The following POFUT3 variants were observed in gnomAD, a reference collection of about 807,000 sequenced individuals.
POFUT3 encodes GDP-fucose protein O-fucosyltransferase 3.
chr8:33,466,425 T>C, the POFUT3 span, among the ~76,000 whole-genome samples: 2 of 147,188 alleles, frequency 1.4e-5, no homozygotes, highest in Non-Finnish European at 3.0e-5. Flanking sequence ...TGAGACACTG[T>C]CTCAAAAAAG....
chr8:33,427,582 A>G, the POFUT3 span, among the ~76,000 whole-genome samples: 5 of 152,100 alleles, frequency 3.3e-5, no homozygotes, highest in Admixed American at 6.6e-5. Context: ...TCCGTCTCAA[A>G]AAAAAGCAAA....
At chr8:33,398,674 T>G in the POFUT3 span, among the ~76,000 whole-genome samples, 8 of 152,080 alleles carry the variant, frequency 5.3e-5, no homozygotes, top group Non-Finnish European at 5.9e-5. Context: ...TGACACAAAT[T>G]TACCTATATA....
the POFUT3 span, among the ~76,000 whole-genome samples, chr8:33,319,652 TAA>T: frequency 1.9e-3 from 115 of 59,760 alleles, 26 homozygotes; most frequent in East Asian, 0.046. Context: ...ATATATTATA[TAA>T]ATATATATAT....
At chr8:33,396,810 G>A in the POFUT3 span, among the ~76,000 whole-genome samples, 6,710 of 152,194 alleles carry the variant, frequency 0.044, 499 homozygotes, top group African/African-American at 0.15. Flanking sequence ...CTCCAGTTAC[G>A]TTGTTTGACT....
chr8:33,330,465 A>G, the POFUT3 span, among the ~76,000 whole-genome samples: 1 of 152,128 alleles, frequency 6.6e-6, no homozygotes, highest in Admixed American at 6.6e-5. Context: ...AACAAACAAA[A>G]AAAATTTCCA....
At chr8:33,441,378 C>CTTT in the POFUT3 span, among the ~76,000 whole-genome samples, 725 of 114,038 alleles carry the variant, frequency 6.4e-3, 21 homozygotes, top group East Asian at 0.048. Context: ...TTTTTCCTGC[C>CTTT]TTTTTTTTTT....
chr8:33,328,616 A>G, the POFUT3 span, among the ~76,000 whole-genome samples: 3 of 152,228 alleles, frequency 2.0e-5, no homozygotes, highest in East Asian at 5.8e-4. Flanking sequence ...TGTATTGTTC[A>G]CCTTCACGCA....
At chr8:33,406,440 ACTT>A in the POFUT3 span, among the ~76,000 whole-genome samples, 1 of 151,892 alleles carries the variant, frequency 6.6e-6, no homozygotes, top group African/African-American at 2.4e-5. Flanking sequence ...TTACTAGTAT[ACTT>A]CTTTTTTATT....
the POFUT3 span, among the ~76,000 whole-genome samples, chr8:33,329,455 G>A: frequency 6.6e-6 from 1 of 152,306 alleles, no homozygotes; most frequent in East Asian, 1.9e-4. Context: ...GCAGGAGCTG[G>A]AAAGCTGGAA....
At chr8:33,332,643 G>T in the POFUT3 span, among the ~76,000 whole-genome samples, 1 of 152,156 alleles carries the variant, frequency 6.6e-6, no homozygotes, top group Admixed American at 6.5e-5. Context: ...TGTTCTCTAA[G>T]CAACAATTTT....
the POFUT3 span, among the ~76,000 whole-genome samples, chr8:33,342,102 C>T: frequency 6.6e-6 from 1 of 152,162 alleles, no homozygotes; most frequent in Non-Finnish European, 1.5e-5. Context: ...ATTGCTTGAA[C>T]CCGGGAGGTG....
At chr8:33,309,447 A>T in the POFUT3 span, among the ~76,000 whole-genome samples, 1 of 150,984 alleles carries the variant, frequency 6.6e-6, no homozygotes, top group East Asian at 2.0e-4. Flanking sequence ...TTGGTTGGAG[A>T]GTTGAAGGAG....
the POFUT3 span, among the ~76,000 whole-genome samples, chr8:33,380,639 C>T: frequency 6.6e-6 from 1 of 151,938 alleles, no homozygotes; most frequent in Admixed American, 6.5e-5. Flanking sequence ...AAGTTTAAAA[C>T]CAGCCTGGGC....
At chr8:33,383,807 TGCC>T in the POFUT3 span, among the ~76,000 whole-genome samples, 53 of 151,748 alleles carry the variant, frequency 3.5e-4, no homozygotes, top group Non-Finnish European at 4.4e-4. Flanking sequence ...AAAAAACAAC[TGCC>T]CCCTCAGACA....
the POFUT3 span, among the ~76,000 whole-genome samples, chr8:33,355,273 G>C: frequency 6.6e-6 from 1 of 152,138 alleles, no homozygotes; most frequent in Non-Finnish European, 1.5e-5. Context: ...TCACTTATAA[G>C]TGCTGACAGA....
At chr8:33,430,565 C>T in the POFUT3 span, among the ~76,000 whole-genome samples, 3 of 152,116 alleles carry the variant, frequency 2.0e-5, no homozygotes, top group African/African-American at 7.2e-5. Context: ...ACACTTATTG[C>T]TCACAGAGAA....
chr8:33,329,524 T>C, the POFUT3 span, among the ~76,000 whole-genome samples: 2 of 152,326 alleles, frequency 1.3e-5, no homozygotes, highest in Middle Eastern at 6.8e-3. Flanking sequence ...CCATAACTAT[T>C]ACCTCTATGA....
the POFUT3 span, among the ~76,000 whole-genome samples, chr8:33,366,502 A>G: frequency 6.6e-6 from 1 of 152,206 alleles, no homozygotes; most frequent in African/African-American, 2.4e-5. Flanking sequence ...CTTCTTTAGA[A>G]TTATAAAAAC....
At chr8:33,436,661 T>G in the POFUT3 span, 2 of 854,294 alleles carry the variant, frequency 2.3e-6, no homozygotes, top group African/African-American at 3.3e-5. Flanking sequence ...TCCCGCTGTG[T>G]AGCCTCCCAG....
Sources: gnomAD v4.1 joint callset for allele counts (sites outside exome capture counted in the v4.1 genomes callset) on GRCh38, gnomAD v4.1.1 for gene constraint, MANE v1.5 for transcripts, NCBI Gene and HGNC (gene_info 2026-07-23, HGNC 2026-07-21) for gene names.